ABL1: variants seen among roughly 807,000 people sequenced by gnomAD.
The protein encoded by ABL1 is ABL proto-oncogene 1, non-receptor tyrosine kinase, also known as tyrosine-protein kinase ABL1.
Under a neutral mutation model 94.7 loss-of-function variants are expected in ABL1, and 11 were observed. The ratio of observed to expected loss-of-function variants is 0.12; its 90% confidence interval spans 0.07 to 0.19. The LOEUF is 0.19. Ranked by LOEUF, ABL1 falls within the 10% of genes least tolerant of loss-of-function variation. ABL1 has a pLI of 1.00. For missense variants in ABL1, 1,082 were observed against 1,489.4 expected, an observed-to-expected ratio of 0.73 and a Z score of 4.50; for synonymous variants, 656 against 622.4, an observed-to-expected ratio of 1.05 and a Z score of -0.80.
chr9:130,876,729 G>GTTTTTTT (rs1169956131), intron 7 of ABL1, among the ~76,000 whole-genome samples: 2 of 115,358 alleles, frequency 1.7e-5, no homozygotes, highest in African/African-American at 6.7e-5. Context: ...CCACAAGTTG[G>GTTTTTTT]TTTCTTTTTT....
At chr9:130,752,767 A>G (rs868674517) in intron 1 of ABL1, among the ~76,000 whole-genome samples, 1 of 151,064 alleles carries the variant, frequency 6.6e-6, no homozygotes, top group Non-Finnish European at 1.5e-5. Flanking sequence ...GAGACCAGCC[A>G]TGGCCAACAT....
intron 1 of ABL1, among the ~76,000 whole-genome samples, chr9:130,729,623 C>G (rs1205677753): frequency 2.6e-5 from 4 of 152,156 alleles, no homozygotes; most frequent in Admixed American, 2.6e-4. Flanking sequence ...TCATCTAATG[C>G]CTGAAAACAG....
chr9:130,879,547 G>C (rs934719414), intron 8 of ABL1, among the ~76,000 whole-genome samples: 21 of 152,250 alleles, frequency 1.4e-4, no homozygotes, highest in Admixed American at 1.4e-3. Context: ...CAAGAACTGT[G>C]TGGGTTTTAA....
At chr9:130,721,948 A>C (rs1432209168) in intron 1 of ABL1, among the ~76,000 whole-genome samples, 2 of 149,908 alleles carry the variant, frequency 1.3e-5, no homozygotes, top group Non-Finnish European at 3.0e-5. Flanking sequence ...GCCTCAGCCT[A>C]ATTTTTTGTA....
chr9:130,808,312 C>T (rs879857458), intron 1 of ABL1, among the ~76,000 whole-genome samples: 1 of 149,400 alleles, frequency 6.7e-6, no homozygotes, highest in African/African-American at 2.5e-5. Flanking sequence ...GGCACAATCT[C>T]GGCTCACTGC....
In ABL1 at chr9:130,854,970, G is replaced by A. The variant is rs2132958250; in HGVS notation, c.423G>A (p.Leu141=). The change falls in exon 3 of 11, where the codon CTG becomes CTA. Residue 141 remains leucine (L), a synonymous_variant. Transcript: ENST00000318560. ...PVSRNAAEYL[L]SSGINGSFLV... Reference sequence around the variant, plus strand: ...CCCGCAATGCCGCTGAGTATCTGCTGAGCAGCGGGATCAATGGCAGCTTCT... The same window carrying A: ...CCCGCAATGCCGCTGAGTATCTGCTAAGCAGCGGGATCAATGGCAGCTTCT... The A allele has an allele frequency of 6.2e-7, 1 of 1,614,242 alleles. No homozygotes were observed. The highest frequency in any genetic ancestry group is 8.5e-7 in the Non-Finnish European group (1 of 1,180,046).
At chr9:130,765,943 C>G (rs1330223375) in intron 1 of ABL1, among the ~76,000 whole-genome samples, 1 of 152,188 alleles carries the variant, frequency 6.6e-6, no homozygotes, top group Non-Finnish European at 1.5e-5. Flanking sequence ...GAAGCAGTCA[C>G]AAGGACAGGG....
intron 1 of ABL1, among the ~76,000 whole-genome samples, chr9:130,735,973 T>TA (rs1831736653): frequency 7.1e-6 from 1 of 139,890 alleles, no homozygotes; most frequent in East Asian, 2.0e-4. Context: ...TTTTTTTTTT[T>TA]AAGACAGGGT....
chr9:130,750,898 G>C (rs1233596318), intron 1 of ABL1, among the ~76,000 whole-genome samples: 1 of 151,498 alleles, frequency 6.6e-6, no homozygotes, highest in Admixed American at 6.6e-5. Flanking sequence ...CTGCCCCTCA[G>C]CCTCCCAAAG....
chr9:130,772,055 A>G (rs1832260028), intron 1 of ABL1, among the ~76,000 whole-genome samples: 1 of 152,048 alleles, frequency 6.6e-6, no homozygotes, highest in Non-Finnish European at 1.5e-5. Flanking sequence ...CGCCCAGCCA[A>G]AAGTTGGTGT....
At chr9:130,734,181 A>G (rs995452548) in intron 1 of ABL1, among the ~76,000 whole-genome samples, 1 of 150,720 alleles carries the variant, frequency 6.6e-6, no homozygotes, top group African/African-American at 2.5e-5. Context: ...TTTTTTCACA[A>G]TTTCGTGGTA....
intron 3 of ABL1, among the ~76,000 whole-genome samples, chr9:130,859,807 A>G (rs553428401): frequency 6.7e-6 from 1 of 149,286 alleles, no homozygotes; most frequent in South Asian, 2.1e-4. Flanking sequence ...CAGCCTCTCA[A>G]GTAGCTGAGA....
At chr9:130,738,616 A>T (rs1018564316) in intron 1 of ABL1, among the ~76,000 whole-genome samples, 3 of 152,182 alleles carry the variant, frequency 2.0e-5, no homozygotes, top group Non-Finnish European at 4.4e-5. Context: ...TGCTGGAGCT[A>T]CTGTCTATTT....
chr9:130,834,429 T>C (rs1830533413), upstream of ABL1, among the ~76,000 whole-genome samples: 1 of 152,214 alleles, frequency 6.6e-6, no homozygotes, highest in African/African-American at 2.4e-5. Context: ...TGTGCGCCAG[T>C]AACACGACTG....
At chr9:130,790,415 A>G (rs1374225391) in intron 1 of ABL1, among the ~76,000 whole-genome samples, 2 of 151,942 alleles carry the variant, frequency 1.3e-5, no homozygotes, top group Non-Finnish European at 2.9e-5. Flanking sequence ...GTAGGTGGCA[A>G]CTCTGGCCTA....
At chr9:130,821,946 T>C (rs1830368801) in intron 1 of ABL1, among the ~76,000 whole-genome samples, 1 of 151,740 alleles carries the variant, frequency 6.6e-6, no homozygotes, top group Non-Finnish European at 1.5e-5. Flanking sequence ...TTCATGCCAT[T>C]CTCCCGCCTC....
intron 1 of ABL1, among the ~76,000 whole-genome samples, chr9:130,745,080 CT>C (rs767607633): frequency 0.012 from 1,514 of 131,304 alleles, 10 homozygotes; most frequent in African/African-American, 0.023. Flanking sequence ...TCCTGGGAAC[CT>C]TTTTTTTTTT....
chr9:130,753,825 C>T (rs1340624840), intron 1 of ABL1, among the ~76,000 whole-genome samples: 1 of 152,128 alleles, frequency 6.6e-6, no homozygotes, highest in African/African-American at 2.4e-5. Context: ...ATGTTAAATG[C>T]ATGAATGAAT....
At chr9:130,795,264 A>C (rs1829960294) in intron 1 of ABL1, among the ~76,000 whole-genome samples, 3 of 152,196 alleles carry the variant, frequency 2.0e-5, no homozygotes. Context: ...GTGGTTTTAG[A>C]ATTCCACTTC....
Sources: gnomAD v4.1 joint callset for allele counts (sites outside exome capture counted in the v4.1 genomes callset) on GRCh38, gnomAD v4.1.1 for gene constraint, MANE v1.5 for transcripts, NCBI Gene and HGNC (gene_info 2026-07-23, HGNC 2026-07-21) for gene names.